The following GSDMD variants were observed in gnomAD, a reference collection of about 807,000 sequenced individuals.
GSDMD encodes gasdermin D.
Under a neutral mutation model 46.7 loss-of-function variants are expected in GSDMD, and 46 were observed. The observed-to-expected ratio is 0.99, with a 90% CI of 0.78 to 1.26. The LOEUF is 1.26. Among genes scored for constraint, GSDMD ranks in the 50% most tolerant of loss-of-function variants. GSDMD has a pLI of 0.00. For missense variants in GSDMD, 649 were observed against 638.8 expected, an observed-to-expected ratio of 1.02 and a Z score of -0.17; for synonymous variants, 307 against 283.1, an observed-to-expected ratio of 1.08 and a Z score of -0.85.
In GSDMD at chr8:143,558,439, G is replaced by C; in HGVS notation, c.-17G>C. On this transcript the variant is annotated 5_prime_UTR_variant, in exon 1 of 11. Transcript: ENST00000262580. ...GCGCCAGACGCGCCACCCTCGGGGCGCCGACGGTCACGGTGAGCTGCGCCC... is the reference window on the plus strand; with the variant it reads ...GCGCCAGACGCGCCACCCTCGGGGCCCCGACGGTCACGGTGAGCTGCGCCC... 6.7e-7 allele frequency: 1 copy of C among 1,502,940 alleles called. No homozygotes were observed. Among genetic ancestry groups the C allele is most frequent in the Non-Finnish European group, 8.8e-7 (1 of 1,132,524 alleles). 93.1% of individuals were successfully genotyped at this position (1,502,940 alleles called of 1,614,324 possible).
At chr8:143,558,942 C>T (rs1823380295) in intron 1 of GSDMD, 3 of 549,844 alleles carry the variant, frequency 5.5e-6, no homozygotes, top group Non-Finnish European at 6.9e-6. Context: ...CTGGGTTTTG[C>T]AGTGGGTCCC....
upstream of GSDMD, among the ~76,000 whole-genome samples, chr8:143,557,670 T>C (rs1823341065): frequency 6.6e-6 from 1 of 152,238 alleles, no homozygotes; most frequent in Admixed American, 6.5e-5. Flanking sequence ...CCCACCAGCA[T>C]TGCACAAATG....
chr8:143,560,052 T>C, intron 3 of GSDMD, 83 bp downstream of exon 3: 1 of 1,303,076 alleles, frequency 7.7e-7, no homozygotes, highest in Non-Finnish European at 1.1e-6. Flanking sequence ...ATTTAAATTA[T>C]TTTTTGAGGT....
intron 6 of GSDMD, 63 bp from the exon 7 acceptor site, chr8:143,561,679 C>G: frequency 7.3e-7 from 1 of 1,367,086 alleles, no homozygotes; most frequent in Non-Finnish European, 1.0e-6. Context: ...GGCCTCAGCC[C>G]TCTCTGGCTC....
chr8:143,561,467 G>C lies in GSDMD; in HGVS notation c.736+44G>C, dbSNP rs746544177. ...CAGCATGGGGTGTCCGGTGGGAAAAGCACACTCCCTGGGCAGTTGAGGCCT... is the reference window on the plus strand; with the variant it reads ...CAGCATGGGGTGTCCGGTGGGAAAACCACACTCCCTGGGCAGTTGAGGCCT... On this transcript the variant is annotated intron_variant, in intron 6 of 10. Coordinates refer to ENST00000262580, the MANE Select transcript of GSDMD (RefSeq NM_024736.7). 1.9e-5 allele frequency: 30 copies of C among 1,580,868 alleles called. 1 individual carries two copies. In the South Asian group the frequency reaches 3.1e-4, roughly 17 times the overall value.
At chr8:143,560,523 C>T (rs564612573) in intron 3 of GSDMD, 80 bp from the exon 4 acceptor site, 29 of 1,427,212 alleles carry the variant, frequency 2.0e-5, no homozygotes, top group African/African-American at 1.7e-4. Context: ...CCACCTCCCC[C>T]GGTGGCGTGG....
In GSDMD at chr8:143,560,447, G is replaced by A. The variant is rs545376220; in HGVS notation, c.411-156G>A. 1.6e-3 allele frequency: 1,192 copies of A among 724,120 alleles called. 2 individuals are homozygous for A. The highest frequency in any genetic ancestry group is 2.3e-3 in the Non-Finnish European group (1,034 of 441,642). The allele number at this position is 724,120 out of a possible 1,614,324, so 44.9% of individuals were successfully genotyped here. On this transcript the variant is annotated intron_variant, in intron 3 of 10. Coordinates refer to ENST00000262580, the MANE Select transcript of GSDMD (RefSeq NM_024736.7). The stretch of plus-strand genomic sequence containing the variant: ...CCTTTCCTCATGGGGTCCCGTCCCC[G>A]TGGGGAGCACACGGAGAGGCTGCCG...
At chr8:143,558,227 CGGACGCGCGAGGCTGGTGCTCCA>C (rs1257275877), upstream of GSDMD, 269 of 1,241,356 alleles carry the variant, frequency 2.2e-4, 1 homozygote, top group Admixed American at 1.5e-3. Flanking sequence ...AAGGTTCCTC[CGGACGCGCGAGGCTGGTGCTCCA>C]GGCGGGCTGG....
At position 143,561,887 on chromosome 8, in the gene GSDMD, C is replaced by G. The variant is rs557060833; in HGVS notation, c.823+59C>G. 2.6e-5 allele frequency: 42 copies of G among 1,608,084 alleles called. No homozygotes were observed. In the East Asian group the frequency reaches 9.4e-4, roughly 36 times the overall value. On this transcript the variant is annotated intron_variant, in intron 7 of 10. Coordinates refer to ENST00000262580, the MANE Select transcript of GSDMD (RefSeq NM_024736.7). ...GGTGGGCTCTCCTGCCCCCTGGGGT[C>G]TGCCTGTCCTGACCGAGGCTTTCCA...
chr8:143,562,961 G>C lies in GSDMD; in HGVS notation c.*57G>C. 6.2e-7 allele frequency: 1 copy of C among 1,604,292 alleles called. No homozygotes were observed. Among genetic ancestry groups the C allele is most frequent in the East Asian group, 2.2e-5 (1 of 44,626 alleles). ...AGCAGGGCAGAGTGTTTGCCCACCAGCTGCTAGCCCTAGGAAGGCCAGGAG... is the reference window on the plus strand; with the variant it reads ...AGCAGGGCAGAGTGTTTGCCCACCACCTGCTAGCCCTAGGAAGGCCAGGAG... On this transcript the variant is annotated 3_prime_UTR_variant, in exon 11 of 11. Transcript: ENST00000262580.
chr8:143,555,154 T>G (rs1051263930), upstream of GSDMD: 2 of 152,286 alleles, frequency 1.3e-5, no homozygotes, highest in Non-Finnish European at 2.9e-5. Flanking sequence ...TTGTCTTGTT[T>G]GCTGCTAGAA....
chr8:143,562,398 G>C, intron 9 of GSDMD, 48 bp downstream of exon 9: 1 of 1,551,076 alleles, frequency 6.4e-7, no homozygotes, highest in South Asian at 1.2e-5. Flanking sequence ...AGGGAGGTGG[G>C]CTTTCCCGGT....
chr8:143,554,352 G>GA (rs1467052076), upstream of GSDMD, among the ~76,000 whole-genome samples: 1 of 152,242 alleles, frequency 6.6e-6, no homozygotes, highest in Non-Finnish European at 1.5e-5. Context: ...CAAACCCGTG[G>GA]ACACAACACG....
chr8:143,561,673 T>G, intron 6 of GSDMD, 69 bp from the exon 7 acceptor site: 1 of 1,314,768 alleles, frequency 7.6e-7, no homozygotes, highest in African/African-American at 1.5e-5. Context: ...GGGGAAGGCC[T>G]CAGCCCTCTC....
At chr8:143,557,156 G>T (rs770821536), upstream of GSDMD, among the ~76,000 whole-genome samples, 1 of 152,278 alleles carries the variant, frequency 6.6e-6, no homozygotes, top group African/African-American at 2.4e-5. Context: ...TCGCCCGTCT[G>T]TGTCGCCCAG....
chr8:143,559,312 G>A lies in GSDMD; in HGVS notation c.-4-20G>A. On this transcript the variant is annotated intron_variant, in intron 1 of 10. Coordinates refer to ENST00000262580, the MANE Select transcript of GSDMD (RefSeq NM_024736.7). ...CGCCCGCCCCGAGAGCACAATGCCT[G>A]ACCCATTTCCCCTCCTCAGGAGCAT... is the stretch of plus-strand genomic sequence containing the variant. The A allele has an allele frequency of 1.0e-6, 1 of 990,820 alleles. No individual in the cohort carries two copies. Among genetic ancestry groups the A allele is most frequent in the Non-Finnish European group, 1.4e-6 (1 of 698,976 alleles). The allele number at this position is 990,820 out of a possible 1,614,324, so 61.4% of individuals were successfully genotyped here. A position where few individuals can be genotyped will look rare whatever the true frequency, so the allele number is the denominator to read the frequency against.
Position 143,559,842 on chromosome 8 carries a change from G to A in GSDMD, c.283G>A (p.Glu95Lys). 1 of 1,612,632 alleles carries A rather than the reference G, an allele frequency of 6.2e-7. No individual in the cohort carries two copies. The highest frequency in any genetic ancestry group is 8.5e-7 in the Non-Finnish European group (1 of 1,179,902). The change falls in exon 3 of 11, where the codon GAG becomes AAG. Residue 95 changes from glutamate to lysine, a missense_variant. Coordinates refer to ENST00000262580, the MANE Select transcript of GSDMD (RefSeq NM_024736.7). Reference sequence around the variant, plus strand: ...GGATGGGCAGATACAGGGCAGCGTGGAGCTGGCAGCCCCAGGACAGGCAAA... The same window carrying A: ...GGATGGGCAGATACAGGGCAGCGTGAAGCTGGCAGCCCCAGGACAGGCAAA... The part of the protein sequence containing the change: ...AMDGQIQGSV[E>K]LAAPGQAKIA...
chr8:143,559,726 C>A, intron 2 of GSDMD, 51 bp from the exon 3 acceptor site: 2 of 1,303,358 alleles, frequency 1.5e-6, no homozygotes, highest in East Asian at 3.3e-5. Context: ...CTGGTGGGGG[C>A]GGGGGAGAGG....
chr8:143,562,425 C>T (rs1190227051), intron 9 of GSDMD, 23 bp from the exon 10 acceptor site: 1 of 1,598,966 alleles, frequency 6.3e-7, no homozygotes. Context: ...TCAGAAACCC[C>T]CTTTTACCTG....
Sources: gnomAD v4.1 joint callset for allele counts (sites outside exome capture counted in the v4.1 genomes callset) on GRCh38, gnomAD v4.1.1 for gene constraint, MANE v1.5 for transcripts, NCBI Gene and HGNC (gene_info 2026-07-23, HGNC 2026-07-21) for gene names.